NDST3: variants seen among roughly 807,000 people sequenced by gnomAD.
The protein encoded by NDST3 is bifunctional heparan sulfate N-deacetylase/N-sulfotransferase 3.
Under a neutral mutation model 96.1 loss-of-function variants are expected in NDST3, and 58 were observed. The ratio of observed to expected loss-of-function variants is 0.60; its 90% CI spans 0.49 to 0.75. The LOEUF (loss-of-function observed/expected upper bound fraction) is 0.75, where lower values mean the gene tolerates loss of function less well. Among genes scored for constraint, NDST3 ranks in the 30% least tolerant of loss-of-function variants. NDST3 has a pLI of 0.00. For synonymous variants in NDST3, 333 were observed against 359.7 expected, an observed-to-expected ratio of 0.93 and a Z score of 0.84; for missense variants, 788 against 1,034.2, an observed-to-expected ratio of 0.76 and a Z score of 3.27.
At chr4:118,203,029 T>C (rs1300174161) in intron 6 of NDST3, among the ~76,000 whole-genome samples, 2 of 152,206 alleles carry the variant, frequency 1.3e-5, no homozygotes, top group Admixed American at 6.5e-5. Flanking sequence ...TGAAGGGATG[T>C]TGGATTTCAT....
At chr4:118,159,262 A>G (rs1734926688) in intron 6 of NDST3, among the ~76,000 whole-genome samples, 1 of 152,212 alleles carries the variant, frequency 6.6e-6, no homozygotes, top group Non-Finnish European at 1.5e-5. Context: ...AACAAAAGAC[A>G]GCTTGGCAGC....
At chr4:118,192,550 C>T (rs1737377953) in intron 6 of NDST3, among the ~76,000 whole-genome samples, 1 of 152,072 alleles carries the variant, frequency 6.6e-6, no homozygotes, top group Admixed American at 6.5e-5. Context: ...GTCTTTTCCC[C>T]AGTGTATGTT....
chr4:118,041,591 G>C (rs1381669236), intron 1 of NDST3, among the ~76,000 whole-genome samples: 1 of 152,154 alleles, frequency 6.6e-6, no homozygotes, highest in Non-Finnish European at 1.5e-5. Flanking sequence ...AACCACAACT[G>C]TCAGTTCTGT....
At chr4:118,096,429 A>G (rs1476391472) in intron 2 of NDST3, among the ~76,000 whole-genome samples, 1 of 151,858 alleles carries the variant, frequency 6.6e-6, no homozygotes, top group Non-Finnish European at 1.5e-5. Flanking sequence ...TGATAACCTG[A>G]TTAGTTGGTT....
intron 6 of NDST3, among the ~76,000 whole-genome samples, chr4:118,177,224 C>A: frequency 6.6e-6 from 1 of 151,998 alleles, no homozygotes; most frequent in South Asian, 2.1e-4. Context: ...AATATAGAGA[C>A]AGTAAGGGCT....
At chr4:118,173,908 G>C (rs1736114570) in intron 6 of NDST3, among the ~76,000 whole-genome samples, 1 of 152,142 alleles carries the variant, frequency 6.6e-6, no homozygotes, top group Non-Finnish European at 1.5e-5. Context: ...AACTGAGAAA[G>C]CAATATCCAG....
At chr4:118,162,048 G>A (rs948468561) in intron 6 of NDST3, among the ~76,000 whole-genome samples, 5 of 152,240 alleles carry the variant, frequency 3.3e-5, no homozygotes, top group Middle Eastern at 3.4e-3. Flanking sequence ...TACAAGGGAC[G>A]CGAAGGACCT....
At chr4:118,103,228 C>CA (rs544664446) in intron 2 of NDST3, among the ~76,000 whole-genome samples, 17 of 150,432 alleles carry the variant, frequency 1.1e-4, no homozygotes, top group East Asian at 9.8e-4. Flanking sequence ...GCACTGAACA[C>CA]AAAAAAAATA....
intron 4 of NDST3, among the ~76,000 whole-genome samples, chr4:118,128,568 T>C (rs1732322512): frequency 6.6e-6 from 1 of 152,076 alleles, no homozygotes; most frequent in Non-Finnish European, 1.5e-5. Flanking sequence ...CTTTTTAATG[T>C]ATTGTTGGAT....
At chr4:118,059,632 G>A (rs1461046329) in intron 2 of NDST3, among the ~76,000 whole-genome samples, 2 of 126,796 alleles carry the variant, frequency 1.6e-5, no homozygotes, top group Non-Finnish European at 3.4e-5. Flanking sequence ...ACTTCACCAC[G>A]AATATTCACC....
chr4:118,044,547 G>C (rs531017212), intron 1 of NDST3, among the ~76,000 whole-genome samples: 1 of 152,196 alleles, frequency 6.6e-6, no homozygotes, highest in Non-Finnish European at 1.5e-5. Context: ...CTGCACTGGC[G>C]TGCCAGATCA....
chr4:118,241,783 C>T (rs1578863344), intron 11 of NDST3, among the ~76,000 whole-genome samples: 1 of 152,278 alleles, frequency 6.6e-6, no homozygotes, highest in Non-Finnish European at 1.5e-5. Context: ...CTTTTCTAAG[C>T]TCTCTTGGTC....
chr4:118,162,608 A>T (rs1735244325), intron 6 of NDST3, among the ~76,000 whole-genome samples: 1 of 150,964 alleles, frequency 6.6e-6, no homozygotes, highest in Non-Finnish European at 1.5e-5. Flanking sequence ...TTCAAGATGG[A>T]TTAAAGACTT....
intron 2 of NDST3, among the ~76,000 whole-genome samples, chr4:118,095,580 G>GGTGAAATTCACTTAT (rs1729236379): frequency 6.6e-6 from 1 of 151,136 alleles, no homozygotes. Flanking sequence ...TGTTGATGCA[G>GGTGAAATTCACTTAT]GTGAAATTCA....
At position 118,210,678 on chromosome 4, in the gene NDST3, A is replaced by G. The variant is rs1267231329; in HGVS notation, c.1540-13813A>G. On this transcript the variant is annotated intron_variant, in intron 6 of 13. Transcript: ENST00000296499. Reference sequence around the variant, plus strand: ...GTAGTCCCAGCTACTCAGAAGGCTGAGGTAGGAGAATCACTTGAACCCGGG... The same window carrying G: ...GTAGTCCCAGCTACTCAGAAGGCTGGGGTAGGAGAATCACTTGAACCCGGG... Among the ~76,000 whole-genome samples, 3 of 148,520 alleles carry G rather than the reference A, an allele frequency of 2.0e-5. No homozygotes were observed. In the Admixed American group the frequency reaches 2.0e-4, roughly 10 times the overall value.
At position 118,224,559 on chromosome 4, in the gene NDST3, T is replaced by C. The variant is rs149203566; in HGVS notation, c.1608T>C (p.Asn536=). The C allele has an allele frequency of 1.9e-6, 3 of 1,613,128 alleles. No individual in the cohort carries two copies. The African/African-American group carries it at 4.0e-5, about 22-fold the overall frequency. ...GACTGGGATTATATACATTTGTTAA[T>C]CTGGCCAACTTTGTGAAGAGCTGGA... is the stretch of plus-strand genomic sequence containing the variant. ...NDRLGLYTFV[N]LANFVKSWTN... Residue 536 remains asparagine (N), a synonymous_variant, in exon 7 of 14, where the codon AAT becomes AAC. Coordinates refer to ENST00000296499, the MANE Select transcript of NDST3 (RefSeq NM_004784.3).
At chr4:118,219,289 C>A (rs1327276315) in intron 6 of NDST3, among the ~76,000 whole-genome samples, 1 of 151,980 alleles carries the variant, frequency 6.6e-6, no homozygotes, top group Non-Finnish European at 1.5e-5. Context: ...TGACTGCAAA[C>A]TACATTACAA....
intron 4 of NDST3, among the ~76,000 whole-genome samples, chr4:118,130,703 C>A (rs916167173): frequency 1.3e-5 from 2 of 152,230 alleles, no homozygotes; most frequent in African/African-American, 4.8e-5. Flanking sequence ...TCATTAATAT[C>A]ATTTTCTTTC....
intron 6 of NDST3, among the ~76,000 whole-genome samples, chr4:118,191,866 T>A (rs1737329961): frequency 6.6e-6 from 1 of 152,194 alleles, no homozygotes; most frequent in African/African-American, 2.4e-5. Context: ...TCCAAACTGT[T>A]CTCCACAGTA....
Sources: allele counts gnomAD v4.1 joint callset (sites outside exome capture counted in the v4.1 genomes callset), GRCh38; gene constraint gnomAD v4.1.1; transcripts MANE v1.5; gene names NCBI Gene and HGNC (gene_info 2026-07-23, HGNC 2026-07-21).